Variants in PLEKHA1 observed in about 807,000 individuals in gnomAD.
PLEKHA1 encodes pleckstrin homology domain-containing family A member 1.
PLEKHA1 carries 34 observed loss-of-function variants against 52.0 expected under a neutral mutation model. The observed-to-expected ratio is 0.65, with a 90% CI of 0.50 to 0.87. The LOEUF is 0.87. Among genes scored for constraint, PLEKHA1 ranks in the 40% least tolerant of loss-of-function variants. The pLI is 0.00. For synonymous variants in PLEKHA1, 163 were observed against 170.7 expected, an observed-to-expected ratio of 0.95 and a Z score of 0.35; for missense variants, 497 against 504.2, an observed-to-expected ratio of 0.99 and a Z score of 0.14.
At chr10:122,427,877 T>C (rs571495837) in intron 11 of PLEKHA1, among the ~76,000 whole-genome samples, 2 of 152,222 alleles carry the variant, frequency 1.3e-5, no homozygotes, top group Non-Finnish European at 2.9e-5. Flanking sequence ...ACTTACACTT[T>C]TAATATTTTT....
Position 122,424,178 on chromosome 10 carries a change from T to C in PLEKHA1, c.682-21T>C, listed in dbSNP as rs748554275. The C allele has an allele frequency of 1.6e-3, 2,259 of 1,407,506 alleles. 6 individuals are homozygous for C. Among genetic ancestry groups the C allele is most frequent in the East Asian group, 2.7e-3 (104 of 38,100 alleles). 87.2% of individuals were successfully genotyped at this position (1,407,506 alleles called of 1,614,324 possible). On this transcript the variant is annotated intron_variant, in intron 8 of 11. Transcript: ENST00000368990. ...AATAAACATCATGTAACTGTTTTTT[T>C]TTTTTTTTTTTTTTTGCCAGGAAAA... is the stretch of plus-strand genomic sequence containing the variant.
intron 8 of PLEKHA1, chr10:122,421,071 T>A (rs1259613863): frequency 6.6e-6 from 1 of 152,214 alleles, no homozygotes; most frequent in East Asian, 1.9e-4. Context: ...ACCTGTCTAC[T>A]AAAATAGGTA....
chr10:122,387,761 G>C (rs2096720320), intron 1 of PLEKHA1: 1 of 152,236 alleles, frequency 6.6e-6, no homozygotes, highest in African/African-American at 2.4e-5. Context: ...GGACAGCTGG[G>C]TGTGGGCTGG....
In PLEKHA1 at chr10:122,430,063, C is replaced by A; in HGVS notation, c.*125C>A. On this transcript the variant is annotated 3_prime_UTR_variant, in exon 12 of 12. Coordinates refer to ENST00000368990, the MANE Select transcript of PLEKHA1 (RefSeq NM_001001974.4). ...TATATTATACTGCCTCTTAGGTGTACTCTTTATAAGCTGGTAAACCAAGAA... is the reference window on the plus strand; with the variant it reads ...TATATTATACTGCCTCTTAGGTGTAATCTTTATAAGCTGGTAAACCAAGAA... 1 of 1,047,100 alleles carries A rather than the reference C, an allele frequency of 9.6e-7. No individual in the cohort carries two copies. The highest frequency in any genetic ancestry group is 1.3e-6 in the Non-Finnish European group (1 of 743,532). The allele number at this position is 1,047,100 out of a possible 1,614,324, so 64.9% of individuals were successfully genotyped here. A position where few individuals can be genotyped will look rare whatever the true frequency, so the allele number is the denominator to read the frequency against.
downstream of PLEKHA1, chr10:122,434,757 C>T (rs1008908211): frequency 2.3e-4 from 29 of 125,452 alleles, no homozygotes; most frequent in Non-Finnish European, 3.4e-4. Flanking sequence ...TGTGATGTTC[C>T]CCTTCCTGTG....
intron 1 of PLEKHA1, among the ~76,000 whole-genome samples, chr10:122,381,711 G>A (rs992879996): frequency 2.6e-5 from 4 of 152,188 alleles, no homozygotes; most frequent in African/African-American, 9.6e-5. Flanking sequence ...CTACCACAGG[G>A]TGAGAAAAAC....
chr10:122,385,410 C>T (rs201386498), intron 1 of PLEKHA1, among the ~76,000 whole-genome samples: 1 of 150,566 alleles, frequency 6.6e-6, no homozygotes, highest in Non-Finnish European at 1.5e-5. Context: ...CTCCGCCTCC[C>T]GGGTTCAAGC....
At position 122,431,007 on chromosome 10, in the gene PLEKHA1, A is replaced by G. The variant is rs955708078; in HGVS notation, c.*1069A>G. ...TGGTATTCTACTACTTGTGCAATAT[A>G]TATGTTTTAAAAAACAAATTTGAGA... On this transcript the variant is annotated 3_prime_UTR_variant, in exon 12 of 12. Transcript: ENST00000368990. 1 of 152,760 alleles carries G rather than the reference A, an allele frequency of 6.5e-6. No homozygotes were observed. Among genetic ancestry groups the G allele is most frequent in the East Asian group, 1.9e-4 (1 of 5,192 alleles). 9.5% of individuals were successfully genotyped at this position (152,760 alleles called of 1,614,324 possible). A position where few individuals can be genotyped will look rare whatever the true frequency, so the allele number is the denominator to read the frequency against.
chr10:122,381,033 TTAAA>T (rs1222916646), intron 1 of PLEKHA1, among the ~76,000 whole-genome samples: 14 of 152,230 alleles, frequency 9.2e-5, no homozygotes, highest in African/African-American at 3.4e-4. Context: ...GTTATAAGGA[TTAAA>T]TAAACTAATA....
At chr10:122,429,529 TG>T in intron 11 of PLEKHA1, 94 bp from the exon 12 acceptor site, 3 of 865,966 alleles carry the variant, frequency 3.5e-6, no homozygotes, top group Admixed American at 2.4e-5. Context: ...TGTGTGTGTG[TG>T]TTTTATTTGT....
rs949634954 is a variant in PLEKHA1, at chr10:122,426,935, C to A, written c.811-7C>A. ...AAATTGTTTGAATGAGTTCTTTTTT[C>A]CTTTAGGCTGATAGCCCTGAAGAGA... On this transcript the variant is annotated splice_region_variant and splice_polypyrimidine_tract_variant and intron_variant, in intron 10 of 11. Coordinates refer to ENST00000368990, the MANE Select transcript of PLEKHA1 (RefSeq NM_001001974.4). The A allele has an allele frequency of 7.5e-6, 12 of 1,608,550 alleles. No individual in the cohort carries two copies. The highest frequency in any genetic ancestry group is 1.3e-5 in the African/African-American group (1 of 74,606).
At chr10:122,385,764 CACAT>C (rs1565132846) in intron 1 of PLEKHA1, among the ~76,000 whole-genome samples, 1 of 152,182 alleles carries the variant, frequency 6.6e-6, no homozygotes. Context: ...TGGCTTCTTT[CACAT>C]ACCAAAATAC....
downstream of PLEKHA1, chr10:122,432,449 G>A (rs1214605704): frequency 6.6e-6 from 1 of 152,122 alleles, no homozygotes; most frequent in African/African-American, 2.4e-5. Flanking sequence ...ACATATTTAA[G>A]GACAGAGTAA....
chr10:122,382,521 G>A (rs191996654), intron 1 of PLEKHA1, among the ~76,000 whole-genome samples: 134 of 152,248 alleles, frequency 8.8e-4, no homozygotes, highest in East Asian at 1.2e-3. Context: ...AAAACTGTGG[G>A]GTGATATTTT....
At chr10:122,392,059 G>T (rs1239963649) in intron 1 of PLEKHA1, among the ~76,000 whole-genome samples, 2 of 152,110 alleles carry the variant, frequency 1.3e-5, no homozygotes, top group Non-Finnish European at 2.9e-5. Flanking sequence ...CAGCTGTCTG[G>T]TGCAGATTTG....
chr10:122,395,466 TTATTA>T (rs1323809242), intron 2 of PLEKHA1, among the ~76,000 whole-genome samples: 4 of 152,088 alleles, frequency 2.6e-5, no homozygotes, highest in African/African-American at 7.2e-5. Flanking sequence ...CTTGCTAAGA[TTATTA>T]TATTATTTTC....
intron 1 of PLEKHA1, among the ~76,000 whole-genome samples, chr10:122,385,311 C>CT (rs1196217497): frequency 0.022 from 2,115 of 96,348 alleles, 23 homozygotes; most frequent in South Asian, 0.029. Context: ...TTGTGTCTGG[C>CT]TTTTTTTTTT....
At chr10:122,400,193 A>T in intron 3 of PLEKHA1, 150 bp from the exon 4 acceptor site, 1 of 554,374 alleles carries the variant, frequency 1.8e-6, no homozygotes, top group Non-Finnish European at 3.1e-6. Context: ...TAAATTTGCC[A>T]TCCTCTTTTA....
intron 8 of PLEKHA1, 22 bp from the exon 9 acceptor site, chr10:122,424,177 T>G (rs779338010): frequency 5.8e-6 from 8 of 1,381,320 alleles, no homozygotes; most frequent in Non-Finnish European, 7.5e-6. Context: ...AACTGTTTTT[T>G]TTTTTTTTTT....
Sources: allele counts gnomAD v4.1 joint callset (sites outside exome capture counted in the v4.1 genomes callset), GRCh38; gene constraint gnomAD v4.1.1; transcripts MANE v1.5; gene names NCBI Gene and HGNC (gene_info 2026-07-23, HGNC 2026-07-21).